Variants in RGSL1 observed in about 807,000 individuals in gnomAD.
The protein encoded by RGSL1 is regulator of G protein signaling protein-like.
RGSL1 carries 97 observed loss-of-function variants against 124.7 expected under a neutral mutation model. The ratio of observed to expected loss-of-function variants is 0.78; its 90% CI spans 0.66 to 0.92. The LOEUF (loss-of-function observed/expected upper bound fraction) is 0.92. Among genes scored for constraint, RGSL1 ranks in the 40% least tolerant of loss-of-function variants. The pLI is 0.00. For synonymous variants in RGSL1, 424 were observed against 438.1 expected (o/e 0.97, Z 0.40); for missense variants, 1,233 against 1,288.4 (o/e 0.96, Z 0.66).
chr1:182,515,906 A>C (rs993292462), intron 9 of RGSL1, among the ~76,000 whole-genome samples: 5 of 152,190 alleles, frequency 3.3e-5, no homozygotes, highest in Non-Finnish European at 7.3e-5. Context: ...TCTGAATTGC[A>C]CCTCTGATGG....
intron 9 of RGSL1, among the ~76,000 whole-genome samples, chr1:182,517,134 A>T (rs1327159786): frequency 6.6e-6 from 1 of 151,876 alleles, no homozygotes; most frequent in Non-Finnish European, 1.5e-5. Context: ...ACTTTTCTGG[A>T]TACAATATTC....
chr1:182,480,896 A>G (rs1401351851), intron 6 of RGSL1, among the ~76,000 whole-genome samples: 1 of 152,348 alleles, frequency 6.6e-6, no homozygotes, highest in African/African-American at 2.4e-5. Context: ...AGGGCATTTG[A>G]AAATACTTGA....
At chr1:182,495,661 C>T (rs796811271) in intron 9 of RGSL1, among the ~76,000 whole-genome samples, 80 of 152,320 alleles carry the variant, frequency 5.3e-4, no homozygotes, top group African/African-American at 1.9e-3. Context: ...TTCAGGATCA[C>T]CACTGATAGA....
At chr1:182,534,167 G>A (rs1659383798) in intron 14 of RGSL1, among the ~76,000 whole-genome samples, 1 of 152,150 alleles carries the variant, frequency 6.6e-6, no homozygotes, top group African/African-American at 2.4e-5. Context: ...CTTAAAATGG[G>A]AATGATGGGT....
chr1:182,481,730 C>T (rs1446137689), intron 6 of RGSL1, among the ~76,000 whole-genome samples: 5 of 141,994 alleles, frequency 3.5e-5, no homozygotes, highest in Non-Finnish European at 6.1e-5. Flanking sequence ...TGCCTGTAAC[C>T]CCAGCACTTT....
At chr1:182,530,993 CA>C (rs1459737841) in intron 13 of RGSL1, 83 bp downstream of exon 13, 1 of 1,442,616 alleles carries the variant, frequency 6.9e-7, no homozygotes, top group Non-Finnish European at 9.3e-7. Context: ...CCCCATTTTG[CA>C]AAGGAAGAAT....
At chr1:182,525,520 C>T (rs1004072783) in intron 10 of RGSL1, among the ~76,000 whole-genome samples, 1 of 151,914 alleles carries the variant, frequency 6.6e-6, no homozygotes, top group African/African-American at 2.4e-5. Context: ...TAGAGGCAAT[C>T]AATAACAGAT....
chr1:182,500,613 A>C lies in RGSL1; in HGVS notation c.1825+7484A>C, dbSNP rs145627790. ...CATTTTGGGTAGCATCGCCATATTCAATCTTCCAATTTATGAACACAGGAT... is the reference window on the plus strand; with the variant it reads ...CATTTTGGGTAGCATCGCCATATTCCATCTTCCAATTTATGAACACAGGAT... On this transcript the variant is annotated intron_variant, in intron 9 of 21. Coordinates refer to ENST00000294854, the MANE Select transcript of RGSL1 (RefSeq NM_001137669.2). 3.9e-5 allele frequency among the ~76,000 whole-genome samples: 6 copies of C among 152,302 alleles called. No homozygotes were observed. The East Asian group carries it at 7.7e-4, about 20-fold the overall frequency.
chr1:182,452,164 T>G (rs1421246469), intron 1 of RGSL1, among the ~76,000 whole-genome samples: 1 of 152,018 alleles, frequency 6.6e-6, no homozygotes, highest in Non-Finnish European at 1.5e-5. Flanking sequence ...ACATTGAACA[T>G]GTTGAGATGA....
chr1:182,460,865 G>T, intron 4 of RGSL1: 1 of 388,580 alleles, frequency 2.6e-6, no homozygotes, highest in Admixed American at 2.9e-5. Context: ...TTGCACAGTG[G>T]CAGCTACTTA....
chr1:182,460,819 A>T, intron 4 of RGSL1: 1 of 430,304 alleles, frequency 2.3e-6, no homozygotes, highest in Non-Finnish European at 4.6e-6. Flanking sequence ...AACTTTAGAC[A>T]GTAAATTGTA....
chr1:182,541,281 G>A (rs1207469642), intron 15 of RGSL1, among the ~76,000 whole-genome samples: 1 of 151,960 alleles, frequency 6.6e-6, no homozygotes, highest in African/African-American at 2.4e-5. Flanking sequence ...AACTACCTGA[G>A]ATCCACTTTT....
In RGSL1 at chr1:182,503,487, T is replaced by TC. The variant is rs200236237; in HGVS notation, c.1825+10359dup. ...TAAGCCAGGCACAGAAAGACAAACA[T>TC]CGCGTGTTCTCACATATTTGTGGGA... On this transcript the variant is annotated intron_variant, in intron 9 of 21. Transcript: ENST00000294854. 7.2e-3 allele frequency among the ~76,000 whole-genome samples: 1,090 copies of TC among 150,788 alleles called. 13 individuals are homozygous for TC. The highest frequency in any genetic ancestry group is 0.025 in the African/African-American group (1,046 of 41,020).
intron 17 of RGSL1, chr1:182,549,913 C>T (rs1660456365): frequency 6.6e-6 from 1 of 152,220 alleles, no homozygotes; most frequent in Non-Finnish European, 1.5e-5. Context: ...CACCCAGAGA[C>T]TTTTGGAGGG....
At chr1:182,527,024 C>A (rs375830792) in intron 10 of RGSL1, among the ~76,000 whole-genome samples, 1 of 152,048 alleles carries the variant, frequency 6.6e-6, no homozygotes. Flanking sequence ...TTCATGGGAA[C>A]TGGAGATATA....
At chr1:182,505,916 C>T (rs1039247064) in intron 9 of RGSL1, among the ~76,000 whole-genome samples, 4 of 152,116 alleles carry the variant, frequency 2.6e-5, no homozygotes, top group South Asian at 2.1e-4. Flanking sequence ...CTTTGATACA[C>T]ACAATTATGT....
chr1:182,544,452 A>T (rs1571701096), intron 15 of RGSL1, among the ~76,000 whole-genome samples: 1 of 151,982 alleles, frequency 6.6e-6, no homozygotes, highest in African/African-American at 2.4e-5. Flanking sequence ...TGATGAAAAG[A>T]TTGTATATTC....
intron 9 of RGSL1, among the ~76,000 whole-genome samples, chr1:182,515,932 G>A (rs488555): frequency 0.87 from 132,367 of 152,280 alleles, 57,856 homozygotes; most frequent in African/African-American, 0.9. Flanking sequence ...CCAAATGCTC[G>A]TTCTATTTAA....
At chr1:182,458,968 T>G (rs896351141) in intron 3 of RGSL1, among the ~76,000 whole-genome samples, 2 of 152,206 alleles carry the variant, frequency 1.3e-5, no homozygotes, top group Non-Finnish European at 2.9e-5. Flanking sequence ...TAGCCCATAG[T>G]TAGCAAATGG....
Sources: allele counts gnomAD v4.1 joint callset (sites outside exome capture counted in the v4.1 genomes callset), GRCh38; gene constraint gnomAD v4.1.1; transcripts MANE v1.5; gene names NCBI Gene and HGNC (gene_info 2026-07-23, HGNC 2026-07-21).